The following COMMD8 variants were observed in gnomAD, a reference collection of about 807,000 sequenced individuals.
COMMD8 encodes the protein COMM domain containing 8.
A neutral mutation model predicts 27.2 loss-of-function variants in COMMD8; 28 were observed. The ratio of observed to expected loss-of-function variants is 1.03; its 90% CI spans 0.76 to 1.41. The LOEUF is 1.41. Among genes scored for constraint, COMMD8 ranks in the 40% most tolerant of loss-of-function variants. COMMD8 has a pLI of 0.00. For synonymous variants in COMMD8, 79 were observed against 75.5 expected (o/e 1.05, Z -0.24); for missense variants, 217 against 211.2 (o/e 1.03, Z -0.17).
At chr4:47,453,237 CA>C (rs757104786) in intron 3 of COMMD8, 23 bp from the exon 4 acceptor site, 15 of 1,600,760 alleles carry the variant, frequency 9.4e-6, no homozygotes, top group Non-Finnish European at 1.3e-5. Context: ...AGAAAAATAG[CA>C]ATTAATAAAT....
At chr4:47,455,870 A>C (rs1729873579) in intron 3 of COMMD8, among the ~76,000 whole-genome samples, 1 of 152,192 alleles carries the variant, frequency 6.6e-6, no homozygotes, top group African/African-American at 2.4e-5. Context: ...TGTTTTAATA[A>C]TATCTTATAG....
intron 3 of COMMD8, among the ~76,000 whole-genome samples, chr4:47,455,926 C>G (rs1729874923): frequency 6.6e-6 from 1 of 152,142 alleles, no homozygotes; most frequent in Non-Finnish European, 1.5e-5. Flanking sequence ...CTTAAGAAAG[C>G]TATAAAGTCT....
At chr4:47,453,281 G>A in intron 3 of COMMD8, 67 bp from the exon 4 acceptor site, 1 of 1,321,684 alleles carries the variant, frequency 7.6e-7, no homozygotes, top group East Asian at 2.4e-5. Flanking sequence ...ATACATCAGA[G>A]GTTAGTTAGC....
chr4:47,455,185 CAT>C (rs1444344209), intron 3 of COMMD8, among the ~76,000 whole-genome samples: 1 of 151,788 alleles, frequency 6.6e-6, no homozygotes, highest in Non-Finnish European at 1.5e-5. Flanking sequence ...AGCTAATATT[CAT>C]ATTTTTTCAG....
intron 1 of COMMD8, among the ~76,000 whole-genome samples, chr4:47,462,404 G>A (rs1730083176): frequency 6.6e-6 from 1 of 152,112 alleles, no homozygotes; most frequent in Non-Finnish European, 1.5e-5. Context: ...AACCGAAAAT[G>A]AGGCTACGGG....
chr4:47,460,035 T>A, intron 2 of COMMD8, 109 bp downstream of exon 2: 1 of 822,578 alleles, frequency 1.2e-6, no homozygotes, highest in South Asian at 2.1e-5. Context: ...AATTATAAGG[T>A]ATTTGTTGTT....
At chr4:47,461,632 A>G (rs1243960881) in intron 1 of COMMD8, among the ~76,000 whole-genome samples, 5 of 152,198 alleles carry the variant, frequency 3.3e-5, no homozygotes, top group African/African-American at 7.2e-5. Context: ...TATTAAATAA[A>G]GTCATGGAAA....
intron 1 of COMMD8, among the ~76,000 whole-genome samples, chr4:47,461,994 GAGA>G (rs947189529): frequency 2.6e-5 from 4 of 152,136 alleles, no homozygotes; most frequent in Admixed American, 2.0e-4. Context: ...CAAAACAGGA[GAGA>G]AGAAGTGCAT....
chr4:47,459,382 G>T (rs561462267), intron 2 of COMMD8, among the ~76,000 whole-genome samples: 2 of 152,164 alleles, frequency 1.3e-5, no homozygotes, highest in East Asian at 3.9e-4. Context: ...GTGGAAGAAG[G>T]ATATCCTATG....
intron 1 of COMMD8, 112 bp from the exon 2 acceptor site, chr4:47,460,411 T>C (rs1206212625): frequency 1.2e-6 from 1 of 845,280 alleles, no homozygotes; most frequent in African/African-American, 1.8e-5. Flanking sequence ...CAAGACCAGC[T>C]TAAGTTAAAA....
chr4:47,460,111 A>C, intron 2 of COMMD8, 33 bp downstream of exon 2: 1 of 1,580,694 alleles, frequency 6.3e-7, no homozygotes. Context: ...AGCATTATTT[A>C]TTGTAAGTTA....
rs1011038051 is a variant in COMMD8 at position 47,452,813 on chromosome 4, T to C, written c.531+246A>G. Among the ~76,000 whole-genome samples, 5 of 152,142 alleles carry C rather than the reference T, an allele frequency of 3.3e-5. No homozygotes were observed. The South Asian group carries it at 1.0e-3, about 31-fold the overall frequency. On this transcript the variant is annotated intron_variant, in intron 4 of 4. Transcript: ENST00000381571. ...GAGTTTGAGACCAGCCTGGCCAACA[T>C]GGTAAAACCCCATCTCTACTAAAAA...
intron 1 of COMMD8, 113 bp from the exon 2 acceptor site, chr4:47,460,412 T>A: frequency 1.2e-6 from 1 of 811,672 alleles, no homozygotes; most frequent in Non-Finnish European, 1.9e-6. Flanking sequence ...AAGACCAGCT[T>A]AAGTTAAAAT....
intron 2 of COMMD8, 44 bp downstream of exon 2, chr4:47,460,100 G>A (rs761417317): frequency 1.0e-5 from 16 of 1,542,542 alleles, no homozygotes; most frequent in Non-Finnish European, 1.4e-5. Context: ...AGAGAAACCT[G>A]AGCATTATTT....
chr4:47,462,207 G>A (rs765578167), intron 1 of COMMD8, among the ~76,000 whole-genome samples: 11 of 152,230 alleles, frequency 7.2e-5, no homozygotes, highest in African/African-American at 1.7e-4. Flanking sequence ...GTTGGAAGAT[G>A]TAAGAGAGAG....
intron 3 of COMMD8, among the ~76,000 whole-genome samples, chr4:47,454,897 G>A (rs1026047518): frequency 1.4e-5 from 2 of 147,768 alleles, no homozygotes; most frequent in African/African-American, 2.5e-5. Context: ...ACAGAACTAC[G>A]TTTCTACCAA....
chr4:47,461,568 T>C (rs1052962399), intron 1 of COMMD8, among the ~76,000 whole-genome samples: 9 of 152,212 alleles, frequency 5.9e-5, no homozygotes, highest in Non-Finnish European at 1.2e-4. Context: ...ATTATCTTTT[T>C]TGGAATATGT....
chr4:47,463,514 C>G, intron 1 of COMMD8, 72 bp downstream of exon 1: 1 of 1,446,926 alleles, frequency 6.9e-7, no homozygotes. Flanking sequence ...CGGGTCGCAC[C>G]CGGCCTGATC....
At chr4:47,453,752 T>C (rs1366067934) in intron 3 of COMMD8, among the ~76,000 whole-genome samples, 2 of 152,216 alleles carry the variant, frequency 1.3e-5, no homozygotes, top group African/African-American at 4.8e-5. Context: ...CTCTGGAATA[T>C]ATCCTAGGGG....
Sources: gnomAD v4.1 joint callset for allele counts (sites outside exome capture counted in the v4.1 genomes callset) on GRCh38, gnomAD v4.1.1 for gene constraint, MANE v1.5 for transcripts, NCBI Gene and HGNC (gene_info 2026-07-23, HGNC 2026-07-21) for gene names.